Variants in ROBO2 observed in about 807,000 individuals in gnomAD.
ROBO2 encodes roundabout guidance receptor 2.
A neutral mutation model predicts 160.8 loss-of-function variants in ROBO2; 53 were observed. The ratio of observed to expected loss-of-function variants is 0.33; its 90% confidence interval spans 0.26 to 0.41. The LOEUF (loss-of-function observed/expected upper bound fraction) is 0.41. Ranked by LOEUF, ROBO2 falls within the 10% of genes least tolerant of loss-of-function variation. The pLI, the probability that ROBO2 is intolerant of heterozygous loss-of-function variation, is 1.00. For synonymous variants in ROBO2, 664 were observed against 611.7 expected (o/e 1.09, Z -1.26); for missense variants, 1,577 against 1,722.4 (o/e 0.92, Z 1.49).
At chr3:76,478,185 C>G (rs192042222) in intron 2 of ROBO2, among the ~76,000 whole-genome samples, 2 of 127,314 alleles carry the variant, frequency 1.6e-5, no homozygotes, top group African/African-American at 5.8e-5. Flanking sequence ...CCCTCCCCCC[C>G]ACCCCACAAC....
At chr3:77,242,093 A>G (rs2089132270) in intron 2 of ROBO2, among the ~76,000 whole-genome samples, 1 of 152,222 alleles carries the variant, frequency 6.6e-6, no homozygotes, top group Admixed American at 6.5e-5. Flanking sequence ...ACTCAGATGC[A>G]TGCTGAAATA....
chr3:75,937,465 C>T (rs754550703), intron 1 of ROBO2: 3 of 1,409,102 alleles, frequency 2.1e-6, no homozygotes, highest in South Asian at 2.7e-5. Flanking sequence ...TCACATCCAC[C>T]CCACTCAATA....
chr3:77,318,761 C>T (rs1326150013), intron 2 of ROBO2, among the ~76,000 whole-genome samples: 4 of 151,960 alleles, frequency 2.6e-5, no homozygotes, highest in Non-Finnish European at 5.9e-5. Context: ...ACAGTAATTG[C>T]CCTGTAAGTT....
At chr3:77,391,884 G>C (rs1218550722) in intron 2 of ROBO2, among the ~76,000 whole-genome samples, 2 of 152,016 alleles carry the variant, frequency 1.3e-5, no homozygotes, top group Non-Finnish European at 2.9e-5. Context: ...TTTGTAAAGT[G>C]ATGTACTTTA....
chr3:77,159,168 G>C (rs1579487517), intron 2 of ROBO2, among the ~76,000 whole-genome samples: 1 of 152,200 alleles, frequency 6.6e-6, no homozygotes, highest in Non-Finnish European at 1.5e-5. Context: ...TGCCCATCGG[G>C]AGAAGCTCCT....
At chr3:76,505,255 G>A (rs2080732950) in intron 2 of ROBO2, among the ~76,000 whole-genome samples, 1 of 152,058 alleles carries the variant, frequency 6.6e-6, no homozygotes. Flanking sequence ...ATGCAGCACA[G>A]ATTAGTTAGA....
chr3:75,995,439 T>G (rs1249983486), intron 2 of ROBO2, among the ~76,000 whole-genome samples: 1 of 152,008 alleles, frequency 6.6e-6, no homozygotes, highest in Non-Finnish European at 1.5e-5. Flanking sequence ...TATACAAAAG[T>G]TAAAAAACTG....
At chr3:76,369,312 C>A (rs7627309) in intron 2 of ROBO2, among the ~76,000 whole-genome samples, 36,348 of 151,864 alleles carry the variant, frequency 0.24, 7,359 homozygotes, top group African/African-American at 0.55. Flanking sequence ...CTCCTGGTTC[C>A]CCGGTTTCCA....
chr3:76,856,163 C>T (rs1382928056), intron 2 of ROBO2, among the ~76,000 whole-genome samples: 1 of 152,042 alleles, frequency 6.6e-6, no homozygotes, highest in African/African-American at 2.4e-5. Context: ...CAACTGAAGT[C>T]GATACAGGCT....
At chr3:76,102,256 A>G (rs2069727037) in intron 2 of ROBO2, among the ~76,000 whole-genome samples, 2 of 152,246 alleles carry the variant, frequency 1.3e-5, no homozygotes, top group South Asian at 4.1e-4. Context: ...AAAACATCTC[A>G]GTAATACATA....
chr3:77,188,968 T>TGTGTGTGTGTGTGTGTGTGA (rs550237793), intron 2 of ROBO2, among the ~76,000 whole-genome samples: 1 of 142,196 alleles, frequency 7.0e-6, no homozygotes, highest in Non-Finnish European at 1.6e-5. Context: ...TGTGTGTGTG[T>TGTGTGTGTGTGTGTGTGTGA]GAGAGAGAGA....
intron 2 of ROBO2, among the ~76,000 whole-genome samples, chr3:76,304,969 C>G (rs1029956532): frequency 6.6e-6 from 1 of 151,764 alleles, no homozygotes; most frequent in Non-Finnish European, 1.5e-5. Context: ...ATGAGTTACT[C>G]TCTGTGGGTG....
intron 2 of ROBO2, among the ~76,000 whole-genome samples, chr3:76,908,566 C>T (rs2148914847): frequency 6.6e-6 from 1 of 152,266 alleles, no homozygotes; most frequent in Admixed American, 6.5e-5. Context: ...TCCTGCAGCC[C>T]TTACACTCAA....
chr3:77,126,817 C>T (rs1222278368), intron 2 of ROBO2, among the ~76,000 whole-genome samples: 11 of 113,490 alleles, frequency 9.7e-5, no homozygotes, highest in Non-Finnish European at 1.8e-4. Flanking sequence ...GAGATGGAGT[C>T]GCACTCTGTC....
rs369428931 is a variant in ROBO2, at chr3:76,128,036, C to T, written c.109+190434C>T. On this transcript the variant is annotated intron_variant, in intron 2 of 26. Coordinates refer to the ROBO2 transcript ENST00000487694. ...TCAGCCTCCTGAGTAGCTGGGACTA[C>T]AGGCGCCCACCACCATGCCCAGCTA... Among the ~76,000 whole-genome samples the T allele has an allele frequency of 4.0e-5, 6 of 151,672 alleles. No individual in the cohort carries two copies. In the East Asian group the frequency reaches 1.2e-3, roughly 30 times the overall value.
intron 2 of ROBO2, among the ~76,000 whole-genome samples, chr3:77,261,270 G>C (rs954413948): frequency 6.6e-6 from 1 of 152,078 alleles, no homozygotes; most frequent in Non-Finnish European, 1.5e-5. Flanking sequence ...AGCCACAGGA[G>C]GCTCCCAGAA....
At chr3:76,638,738 T>A (rs2090473668) in intron 2 of ROBO2, among the ~76,000 whole-genome samples, 1 of 152,208 alleles carries the variant, frequency 6.6e-6, no homozygotes, top group African/African-American at 2.4e-5. Context: ...CTTTTTTGTC[T>A]GCTATCATCT....
intron 9 of ROBO2, among the ~76,000 whole-genome samples, chr3:77,559,595 C>A (rs1336569836): frequency 6.6e-6 from 1 of 152,014 alleles, no homozygotes; most frequent in Non-Finnish European, 1.5e-5. Flanking sequence ...TCTTCCCATT[C>A]TGGAGCTAAA....
intron 2 of ROBO2, among the ~76,000 whole-genome samples, chr3:77,355,404 T>A (rs2068970610): frequency 1.3e-5 from 2 of 152,066 alleles, no homozygotes; most frequent in Admixed American, 1.3e-4. Context: ...GAGTTTTGAG[T>A]GGGGGAATGA....
Sources: allele counts gnomAD v4.1 joint callset (sites outside exome capture counted in the v4.1 genomes callset), GRCh38; gene constraint gnomAD v4.1.1; transcripts MANE v1.5; gene names NCBI Gene and HGNC (gene_info 2026-07-23, HGNC 2026-07-21).